Variants in GRID2 observed in about 807,000 individuals in gnomAD.
GRID2 encodes glutamate receptor ionotropic, delta-2.
In GRID2, 33 loss-of-function variants were observed where a neutral mutation model predicts 114.8. The ratio of observed to expected loss-of-function variants is 0.29; its 90% confidence interval spans 0.22 to 0.38. GRID2 has a LOEUF of 0.38. Among genes scored for constraint, GRID2 ranks in the 10% least tolerant of loss-of-function variants. The pLI, the probability that GRID2 is intolerant of heterozygous loss-of-function variation, is 1.00. For synonymous variants in GRID2, 505 were observed against 449.9 expected, an observed-to-expected ratio of 1.12 and a Z score of -1.55; for missense variants, 1,184 against 1,257.7, an observed-to-expected ratio of 0.94 and a Z score of 0.89.
At chr4:93,518,970 G>C (rs529883703) in intron 13 of GRID2, among the ~76,000 whole-genome samples, 1 of 152,106 alleles carries the variant, frequency 6.6e-6, no homozygotes, top group Non-Finnish European at 1.5e-5. Context: ...GAATCATGTA[G>C]GGTCTAGCAA....
At chr4:93,469,275 A>G (rs1416526203) in intron 11 of GRID2, among the ~76,000 whole-genome samples, 1 of 152,092 alleles carries the variant, frequency 6.6e-6, no homozygotes, top group East Asian at 1.9e-4. Flanking sequence ...TATTTCACAA[A>G]ATCAGTTTAC....
intron 1 of GRID2, among the ~76,000 whole-genome samples, chr4:92,409,434 A>G (rs1731190478): frequency 6.6e-6 from 1 of 152,146 alleles, no homozygotes; most frequent in African/African-American, 2.4e-5. Flanking sequence ...GTGTGGATAG[A>G]GTATTTCATT....
intron 2 of GRID2, chr4:92,833,689 T>C (rs1328564491): frequency 6.6e-6 from 1 of 152,170 alleles, no homozygotes; most frequent in Non-Finnish European, 1.5e-5. Flanking sequence ...GAGAATGAAA[T>C]TGTATTATGA....
chr4:93,395,564 GT>G (rs768106039), intron 8 of GRID2, 42 bp from the exon 9 acceptor site: 1 of 856,798 alleles, frequency 1.2e-6, no homozygotes, highest in Non-Finnish European at 2.0e-6. Context: ...TGATGGGACT[GT>G]TCTTCAGGCA....
intron 1 of GRID2, among the ~76,000 whole-genome samples, chr4:92,500,248 T>C (rs1233347104): frequency 6.6e-6 from 1 of 152,108 alleles, no homozygotes; most frequent in African/African-American, 2.4e-5. Context: ...TTTCACACTT[T>C]AAAAAATTTT....
At chr4:92,644,548 C>A (rs1370347421) in intron 2 of GRID2, among the ~76,000 whole-genome samples, 1 of 151,620 alleles carries the variant, frequency 6.6e-6, no homozygotes, top group African/African-American at 2.4e-5. Flanking sequence ...TTATGTTAAT[C>A]GTTCAGCTTT....
intron 4 of GRID2, among the ~76,000 whole-genome samples, chr4:93,172,138 A>C (rs1480421497): frequency 6.6e-6 from 1 of 152,158 alleles, no homozygotes; most frequent in Non-Finnish European, 1.5e-5. Flanking sequence ...ATACCACAAG[A>C]ATTGTTCAAT....
chr4:92,432,948 T>C (rs1039135064), intron 1 of GRID2, among the ~76,000 whole-genome samples: 4 of 152,170 alleles, frequency 2.6e-5, no homozygotes, highest in Non-Finnish European at 2.9e-5. Flanking sequence ...CCAAGGGCTC[T>C]TTATTCAGCT....
intron 8 of GRID2, among the ~76,000 whole-genome samples, chr4:93,295,725 A>C (rs1040323653): frequency 1.3e-5 from 2 of 152,162 alleles, no homozygotes; most frequent in Admixed American, 1.3e-4. Context: ...ATCTTGGATA[A>C]AGTCTCTCTT....
chr4:93,307,339 T>C (rs141776173), intron 8 of GRID2, among the ~76,000 whole-genome samples: 43 of 152,266 alleles, frequency 2.8e-4, no homozygotes, highest in African/African-American at 1.0e-3. Flanking sequence ...CATTAAATGC[T>C]CTTTTTTAAT....
intron 8 of GRID2, among the ~76,000 whole-genome samples, chr4:93,363,936 A>T (rs1762103421): frequency 6.6e-6 from 1 of 151,884 alleles, no homozygotes; most frequent in African/African-American, 2.4e-5. Flanking sequence ...TTATACTTTT[A>T]TATTCTCTAT....
intron 2 of GRID2, among the ~76,000 whole-genome samples, chr4:93,071,749 G>A (rs1434382666): frequency 6.6e-6 from 1 of 152,116 alleles, no homozygotes; most frequent in South Asian, 2.1e-4. Context: ...CCAGGCAGAA[G>A]CTTATAAAGG....
rs77548316 is a variant in GRID2, at chr4:92,786,597, G to A, written c.244+196311G>A. Among the ~76,000 whole-genome samples the A allele has an allele frequency of 2.4e-3, 360 of 151,956 alleles. 2 individuals are homozygous for A. The highest frequency in any genetic ancestry group is 8.1e-3 in the African/African-American group (336 of 41,500). On this transcript the variant is annotated intron_variant, in intron 2 of 15. Coordinates refer to ENST00000282020, the MANE Select transcript of GRID2 (RefSeq NM_001510.4). ...CCCTTGCAAATGGGCAAGATGCAATGATAATAGGGCATCAAAATATAAATG... is the reference window on the plus strand; with the variant it reads ...CCCTTGCAAATGGGCAAGATGCAATAATAATAGGGCATCAAAATATAAATG...
chr4:93,400,871 CCTT>C (rs1451122488), intron 9 of GRID2, among the ~76,000 whole-genome samples: 1 of 152,068 alleles, frequency 6.6e-6, no homozygotes, highest in Non-Finnish European at 1.5e-5. Flanking sequence ...GGCTCTCACT[CCTT>C]CACCCAGGCT....
intron 5 of GRID2, among the ~76,000 whole-genome samples, chr4:93,208,557 G>A (rs1743082568): frequency 6.6e-6 from 1 of 151,854 alleles, no homozygotes; most frequent in African/African-American, 2.4e-5. Context: ...GAAGTACTGA[G>A]GGAATGAGGT....
chr4:93,263,900 G>T (rs765809551), intron 8 of GRID2, among the ~76,000 whole-genome samples: 10 of 152,128 alleles, frequency 6.6e-5, no homozygotes, highest in Middle Eastern at 3.2e-3. Context: ...GCTATGAAAT[G>T]GGAGCATAGA....
intron 1 of GRID2, among the ~76,000 whole-genome samples, chr4:92,354,476 T>A (rs1486385693): frequency 6.6e-6 from 1 of 152,008 alleles, no homozygotes; most frequent in African/African-American, 2.4e-5. Context: ...ATTATTACAT[T>A]GTTTCTGTTT....
chr4:92,473,483 T>C (rs2149097824), intron 1 of GRID2, among the ~76,000 whole-genome samples: 1 of 152,250 alleles, frequency 6.6e-6, no homozygotes, highest in African/African-American at 2.4e-5. Context: ...GTGGAAATTC[T>C]TGACTTTTTC....
At chr4:92,746,570 A>C (rs1359583587) in intron 2 of GRID2, among the ~76,000 whole-genome samples, 1 of 152,096 alleles carries the variant, frequency 6.6e-6, no homozygotes, top group African/African-American at 2.4e-5. Context: ...CTGGAATGCT[A>C]AATTAGTGGA....
Sources: gnomAD v4.1 joint callset for allele counts (sites outside exome capture counted in the v4.1 genomes callset) on GRCh38, gnomAD v4.1.1 for gene constraint, MANE v1.5 for transcripts, NCBI Gene and HGNC (gene_info 2026-07-23, HGNC 2026-07-21) for gene names.